The following PRKG1 variants were observed in gnomAD, a reference collection of about 807,000 sequenced individuals.
The protein encoded by PRKG1 is cGMP-dependent protein kinase 1.
In PRKG1, 35 loss-of-function variants were observed where a neutral mutation model predicts 88.1. The ratio of observed to expected loss-of-function variants is 0.40; its 90% CI spans 0.30 to 0.53. The LOEUF is 0.53. PRKG1 is among the 20% of genes least tolerant of loss of function. The pLI, the probability that PRKG1 is intolerant of heterozygous loss-of-function variation, is 0.59. For synonymous variants in PRKG1, 303 were observed against 292.5 expected, an observed-to-expected ratio of 1.04 and a Z score of -0.37; for missense variants, 540 against 839.8, an observed-to-expected ratio of 0.64 and a Z score of 4.41.
chr10:51,884,444 C>CCAAAAAA (rs1841516992), intron 4 of PRKG1, among the ~76,000 whole-genome samples: 1 of 70,028 alleles, frequency 1.4e-5, no homozygotes, highest in Non-Finnish European at 2.7e-5. Context: ...AACTCCGTCT[C>CCAAAAAA]AAAAAAAAAA....
chr10:51,258,997 C>G (rs985224376), intron 2 of PRKG1, among the ~76,000 whole-genome samples: 1 of 152,136 alleles, frequency 6.6e-6, no homozygotes, highest in Non-Finnish European at 1.5e-5. Context: ...TTAGTCATTT[C>G]AATGCATTTT....
Position 51,204,270 on chromosome 10 carries a change from G to A in PRKG1, c.478+50940G>A, listed in dbSNP as rs149190064. Among the ~76,000 whole-genome samples the A allele has an allele frequency of 3.4e-3, 520 of 151,822 alleles. 5 individuals carry two copies. Among genetic ancestry groups the A allele is most frequent in the Middle Eastern group, 0.027 (8 of 294 alleles). On this transcript the variant is annotated intron_variant, in intron 2 of 17. Coordinates refer to ENST00000373980, the MANE Select transcript of PRKG1 (RefSeq NM_006258.4). Reference sequence around the variant, plus strand: ...GTTGCATCTTTTATTTTTACTCTTCGGTATTTCCTGAAAATGATGGGAAGA... The same window carrying A: ...GTTGCATCTTTTATTTTTACTCTTCAGTATTTCCTGAAAATGATGGGAAGA...
chr10:51,338,120 C>G (rs1022475225), intron 2 of PRKG1, among the ~76,000 whole-genome samples: 1 of 152,082 alleles, frequency 6.6e-6, no homozygotes, highest in African/African-American at 2.4e-5. Flanking sequence ...GAACAGAAAC[C>G]CAAACACTGC....
intron 3 of PRKG1, among the ~76,000 whole-genome samples, chr10:51,749,575 C>T (rs1324958581): frequency 6.6e-6 from 1 of 152,156 alleles, no homozygotes; most frequent in Non-Finnish European, 1.5e-5. Flanking sequence ...AATGTAGTCA[C>T]ATTTGGGGGT....
intron 10 of PRKG1, chr10:52,253,240 A>T (rs1357578455): frequency 3.9e-5 from 6 of 152,070 alleles, no homozygotes; most frequent in Admixed American, 3.9e-4. Context: ...ACAAAAAAAA[A>T]ATCAGTGTTA....
intron 2 of PRKG1, among the ~76,000 whole-genome samples, chr10:51,190,490 A>T (rs1216924037): frequency 6.6e-6 from 1 of 151,858 alleles, no homozygotes; most frequent in East Asian, 1.9e-4. Context: ...GTGAATAAAC[A>T]ACTCATAGGG....
chr10:51,983,703 T>C (rs1844075737), intron 5 of PRKG1, among the ~76,000 whole-genome samples: 1 of 152,226 alleles, frequency 6.6e-6, no homozygotes, highest in South Asian at 2.1e-4. Flanking sequence ...GCTAATGTAC[T>C]GCACCTACCA....
intron 2 of PRKG1, among the ~76,000 whole-genome samples, chr10:51,406,573 A>G (rs1837923247): frequency 6.6e-6 from 1 of 150,940 alleles, no homozygotes; most frequent in Admixed American, 6.6e-5. Flanking sequence ...AAAGGAAACT[A>G]TTATGTTAAC....
chr10:51,796,059 T>C (rs1023541154), intron 3 of PRKG1, among the ~76,000 whole-genome samples: 1 of 152,124 alleles, frequency 6.6e-6, no homozygotes. Context: ...TGACGGTCTG[T>C]GGTGATTTGC....
At chr10:51,193,377 C>A (rs148856948) in intron 2 of PRKG1, among the ~76,000 whole-genome samples, 2 of 151,992 alleles carry the variant, frequency 1.3e-5, no homozygotes, top group African/African-American at 4.8e-5. Flanking sequence ...GGGATCTTGA[C>A]CTTTTTAATA....
At chr10:51,947,176 C>T (rs934908771) in intron 5 of PRKG1, among the ~76,000 whole-genome samples, 4 of 152,180 alleles carry the variant, frequency 2.6e-5, no homozygotes, top group African/African-American at 9.7e-5. Flanking sequence ...GGCAGGCTCC[C>T]CTCCCCCAGC....
At chr10:52,293,771 C>T (rs781597739) in intron 17 of PRKG1, 31 bp from the exon 18 acceptor site, 2 of 1,558,576 alleles carry the variant, frequency 1.3e-6, no homozygotes, top group South Asian at 1.1e-5. Context: ...TAAAAAAAAT[C>T]CACTAAAAAA....
At chr10:51,708,856 T>G (rs1367813370) in intron 3 of PRKG1, among the ~76,000 whole-genome samples, 1 of 152,168 alleles carries the variant, frequency 6.6e-6, no homozygotes, top group Admixed American at 6.5e-5. Context: ...GTCAGGAGAC[T>G]GACTTGAGGG....
intron 1 of PRKG1, among the ~76,000 whole-genome samples, chr10:51,142,034 G>A (rs1589189743): frequency 6.6e-6 from 1 of 151,946 alleles, no homozygotes; most frequent in South Asian, 2.1e-4. Context: ...CATCCAAATT[G>A]ATAACAAATT....
rs150704614 is a variant in PRKG1, at chr10:51,918,323, G to A, written c.762+10753G>A. Among the ~76,000 whole-genome samples the A allele has an allele frequency of 3.8e-3, 547 of 144,768 alleles. 6 individuals carry two copies. The highest frequency in any genetic ancestry group is 0.014 in the African/African-American group (513 of 37,640). The allele number at this position is 144,768 out of a possible 152,430, so 95.0% of individuals were successfully genotyped here. Reference sequence around the variant, plus strand: ...GGTTGTACTTCCTTCTGAAAATATCGACTTGACTTATTTTTTTTTTATTTT... The same window carrying A: ...GGTTGTACTTCCTTCTGAAAATATCAACTTGACTTATTTTTTTTTTATTTT... On this transcript the variant is annotated intron_variant, in intron 5 of 17. Coordinates refer to ENST00000373980, the MANE Select transcript of PRKG1 (RefSeq NM_006258.4).
At chr10:51,327,444 C>G (rs1051673649) in intron 2 of PRKG1, among the ~76,000 whole-genome samples, 1 of 145,636 alleles carries the variant, frequency 6.9e-6, no homozygotes, top group South Asian at 2.2e-4. Flanking sequence ...TAAACTAAAA[C>G]AAGATAGCAA....
intron 3 of PRKG1, among the ~76,000 whole-genome samples, chr10:51,477,514 G>GA (rs1166660290): frequency 6.6e-6 from 1 of 151,806 alleles, no homozygotes; most frequent in African/African-American, 2.4e-5. Flanking sequence ...GTGTCCCTGG[G>GA]AAAACAATTT....
At chr10:51,338,946 A>G (rs1445488378) in intron 2 of PRKG1, among the ~76,000 whole-genome samples, 1 of 152,196 alleles carries the variant, frequency 6.6e-6, no homozygotes, top group Non-Finnish European at 1.5e-5. Flanking sequence ...TGATTGCCTT[A>G]AGAAATGACC....
chr10:51,751,445 C>T (rs1837723311), intron 3 of PRKG1, among the ~76,000 whole-genome samples: 1 of 152,110 alleles, frequency 6.6e-6, no homozygotes, highest in African/African-American at 2.4e-5. Flanking sequence ...CCAGGCAGGT[C>T]TTGAACTCCT....
Sources: allele counts gnomAD v4.1 joint callset (sites outside exome capture counted in the v4.1 genomes callset), GRCh38; gene constraint gnomAD v4.1.1; transcripts MANE v1.5; gene names NCBI Gene and HGNC (gene_info 2026-07-23, HGNC 2026-07-21).